Variants in TMEM196 observed in about 807,000 individuals in gnomAD.
TMEM196 encodes transmembrane protein 196.
In TMEM196, 17 loss-of-function variants were observed where a neutral mutation model predicts 20.0. The observed-to-expected ratio is 0.85, with a 90% CI of 0.58 to 1.27. The LOEUF (loss-of-function observed/expected upper bound fraction) is 1.27. Ranked by LOEUF, TMEM196 falls within the 50% of genes most tolerant of loss-of-function variation. TMEM196 has a pLI of 0.00. For missense variants in TMEM196, 267 were observed against 223.0 expected (o/e 1.20, Z -1.26); for synonymous variants, 113 against 88.9 (o/e 1.27, Z -1.52).
intron 1 of TMEM196, among the ~76,000 whole-genome samples, chr7:19,739,977 A>G (rs1276240488): frequency 6.6e-6 from 1 of 152,136 alleles, no homozygotes; most frequent in East Asian, 1.9e-4. Context: ...GTGTGTGCAC[A>G]CATGTATCTC....
intron 1 of TMEM196, among the ~76,000 whole-genome samples, chr7:19,770,951 T>G (rs2128041848): frequency 1.3e-5 from 2 of 151,646 alleles, no homozygotes; most frequent in African/African-American, 4.8e-5. Context: ...TGAATTTCGT[T>G]GGGGGCGGGG....
intron 3 of TMEM196, among the ~76,000 whole-genome samples, chr7:19,724,837 G>A (rs2158381): frequency 0.18 from 27,057 of 151,920 alleles, 2,907 homozygotes; most frequent in East Asian, 0.58. Flanking sequence ...AGGAGAAACC[G>A]AATTAAGGAA....
Position 19,755,663 on chromosome 7 carries a change from G to A in TMEM196, c.147+16887C>T, listed in dbSNP as rs563330578. 2.6e-5 allele frequency among the ~76,000 whole-genome samples: 4 copies of A among 152,304 alleles called. No individual in the cohort carries two copies. In the East Asian group the frequency reaches 7.7e-4, roughly 29 times the overall value. Reference sequence around the variant, plus strand: ...CAAATAAGCCAATTCTGCCTTTCCAGTTTATGAATATGCCAAAAAATAACA... The same window carrying A: ...CAAATAAGCCAATTCTGCCTTTCCAATTTATGAATATGCCAAAAAATAACA... On this transcript the variant is annotated intron_variant, in intron 1 of 4. Transcript: ENST00000405844.
chr7:19,745,224 G>T (rs4719580), intron 1 of TMEM196, among the ~76,000 whole-genome samples: 35,719 of 151,822 alleles, frequency 0.24, 5,244 homozygotes, highest in East Asian at 0.44. Flanking sequence ...TTTTTATTGT[G>T]GTACTCTTAT....
At chr7:19,761,790 C>T (rs1785446264) in intron 1 of TMEM196, among the ~76,000 whole-genome samples, 1 of 152,156 alleles carries the variant, frequency 6.6e-6, no homozygotes, top group African/African-American at 2.4e-5. Context: ...AACAGGCATG[C>T]ACACACTTCT....
chr7:19,749,670 T>C (rs1334983743), intron 1 of TMEM196, among the ~76,000 whole-genome samples: 1 of 152,198 alleles, frequency 6.6e-6, no homozygotes, highest in Non-Finnish European at 1.5e-5. Context: ...AACAAGGCCT[T>C]TTGTAAGTTA....
chr7:19,728,757 ACACT>A (rs1443267163), intron 2 of TMEM196, among the ~76,000 whole-genome samples: 1 of 152,192 alleles, frequency 6.6e-6, no homozygotes. Flanking sequence ...TGGGGAATCC[ACACT>A]TCAGCATGCA....
At chr7:19,732,433 C>T (rs1388388862) in intron 1 of TMEM196, among the ~76,000 whole-genome samples, 1 of 151,842 alleles carries the variant, frequency 6.6e-6, no homozygotes, top group African/African-American at 2.4e-5. Context: ...ATTAGCCGGG[C>T]GTGGTTGCAG....
chr7:19,725,018 T>C (rs1783942692), intron 3 of TMEM196, among the ~76,000 whole-genome samples: 1 of 152,234 alleles, frequency 6.6e-6, no homozygotes, highest in South Asian at 2.1e-4. Context: ...GAGAATTAAA[T>C]GAAGCTTTAT....
At chr7:19,726,734 A>G (rs1311714432) in intron 2 of TMEM196, among the ~76,000 whole-genome samples, 3 of 152,194 alleles carry the variant, frequency 2.0e-5, no homozygotes, top group Non-Finnish European at 4.4e-5. Flanking sequence ...AAATTTAATT[A>G]ACTAGTCAAA....
rs368722228 is a variant in TMEM196, at chr7:19,772,541, G to T, written c.147+9C>A. 1.3e-6 allele frequency: 2 copies of T among 1,538,898 alleles called. No individual in the cohort carries two copies. The highest frequency in any genetic ancestry group is 2.8e-5 in the African/African-American group (2 of 72,436). On this transcript the variant is annotated intron_variant, in intron 1 of 4. Transcript: ENST00000405844. ...AAATGGCTCAACGTACACACACCCC[G>T]CTCCATACCGGGGACGAGTCTCCGA...
At chr7:19,751,611 G>A (rs1005764855) in intron 1 of TMEM196, among the ~76,000 whole-genome samples, 1 of 152,100 alleles carries the variant, frequency 6.6e-6, no homozygotes, top group African/African-American at 2.4e-5. Context: ...ACGTGATAAT[G>A]CTTATGATAT....
At chr7:19,752,132 T>C (rs1785012191) in intron 1 of TMEM196, among the ~76,000 whole-genome samples, 1 of 152,240 alleles carries the variant, frequency 6.6e-6, no homozygotes, top group African/African-American at 2.4e-5. Flanking sequence ...TAACATAAGA[T>C]GTTGGTCATC....
chr7:19,767,227 T>C (rs1404321914), intron 1 of TMEM196, among the ~76,000 whole-genome samples: 1 of 152,120 alleles, frequency 6.6e-6, no homozygotes, highest in Non-Finnish European at 1.5e-5. Context: ...AATTTTCTAT[T>C]ATACCACTAT....
chr7:19,754,649 T>C (rs1785127759), intron 1 of TMEM196, among the ~76,000 whole-genome samples: 1 of 150,118 alleles, frequency 6.7e-6, no homozygotes, highest in Non-Finnish European at 1.5e-5. Context: ...CTCGTGGCCA[T>C]GAACTATAAG....
Position 19,753,603 on chromosome 7 carries a change from C to T in TMEM196, c.147+18947G>A, listed in dbSNP as rs148176012. On this transcript the variant is annotated intron_variant, in intron 1 of 4. Coordinates refer to ENST00000405844, the MANE Select transcript of TMEM196 (RefSeq NM_001363562.2). ...TTAATTTTAATATTAAAGGCATACA[C>T]AATCCCCCTGCCTCTAATTCTTCAC... is the stretch of plus-strand genomic sequence containing the variant. Among the ~76,000 whole-genome samples the T allele has an allele frequency of 2.8e-4, 43 of 152,304 alleles. No homozygotes were observed. In the East Asian group the frequency reaches 7.9e-3, roughly 28 times the overall value.
At chr7:19,740,175 A>G (rs534116321) in intron 1 of TMEM196, among the ~76,000 whole-genome samples, 2 of 152,330 alleles carry the variant, frequency 1.3e-5, no homozygotes, top group East Asian at 1.9e-4. Context: ...TTAAAAATAT[A>G]TGAGAAAGAT....
In TMEM196 at chr7:19,719,615, T is replaced by C. The variant is rs1182787891; in HGVS notation, c.*2513A>G. The C allele has an allele frequency of 6.6e-6, 1 of 152,066 alleles. No individual in the cohort carries two copies. Among genetic ancestry groups the C allele is most frequent in the Non-Finnish European group, 1.5e-5 (1 of 67,946 alleles). 9.4% of individuals were successfully genotyped at this position (152,066 alleles called of 1,614,324 possible). A position where few individuals can be genotyped will look rare whatever the true frequency, so the allele number is the denominator to read the frequency against. ...GTAGGCTCATACTAAAACTATAAGG[T>C]AGTCACTTAAAACATTCCAGCATGT... On this transcript the variant is annotated 3_prime_UTR_variant, in exon 5 of 5. Coordinates refer to ENST00000405844, the MANE Select transcript of TMEM196 (RefSeq NM_001363562.2).
intron 1 of TMEM196, among the ~76,000 whole-genome samples, chr7:19,738,149 T>G (rs755697278): frequency 6.6e-6 from 1 of 152,042 alleles, no homozygotes; most frequent in Non-Finnish European, 1.5e-5. Flanking sequence ...ACAAAGTTGT[T>G]TCCTACAGGG....
Sources: allele counts gnomAD v4.1 joint callset (sites outside exome capture counted in the v4.1 genomes callset), GRCh38; gene constraint gnomAD v4.1.1; transcripts MANE v1.5; gene names NCBI Gene and HGNC (gene_info 2026-07-23, HGNC 2026-07-21).